HMCN1: variants seen among roughly 807,000 people sequenced by gnomAD.
HMCN1 encodes hemicentin-1.
In HMCN1, 321 loss-of-function variants were observed where a neutral mutation model predicts 625.9. The ratio of observed to expected loss-of-function variants is 0.51; its 90% CI spans 0.47 to 0.56. The LOEUF (loss-of-function observed/expected upper bound fraction) is 0.56. Among genes scored for constraint, HMCN1 ranks in the 20% least tolerant of loss-of-function variants. The pLI is 0.00. For synonymous variants in HMCN1, 2,425 were observed against 2,417.6 expected, an observed-to-expected ratio of 1.00 and a Z score of -0.09; for missense variants, 6,588 against 6,887.3, an observed-to-expected ratio of 0.96 and a Z score of 1.54.
intron 1 of HMCN1, among the ~76,000 whole-genome samples, chr1:185,838,613 T>A (rs965477321): frequency 2.6e-5 from 4 of 152,082 alleles, no homozygotes; most frequent in African/African-American, 9.7e-5. Flanking sequence ...CCAAGGTCAA[T>A]CATCCCATTG....
At chr1:186,000,394 T>G (rs1653096568) in intron 26 of HMCN1, among the ~76,000 whole-genome samples, 155 bp downstream of exon 26, 1 of 152,138 alleles carries the variant, frequency 6.6e-6, no homozygotes, top group Non-Finnish European at 1.5e-5. Flanking sequence ...ATTATTTGAT[T>G]TAAACTTTCA....
intron 30 of HMCN1, among the ~76,000 whole-genome samples, chr1:186,012,989 G>A (rs1020589337): frequency 1.3e-5 from 2 of 152,052 alleles, no homozygotes; most frequent in Non-Finnish European, 2.9e-5. Context: ...GTTCTGACAT[G>A]AGGAGTATTC....
rs1662337073 is a variant in HMCN1, at chr1:185,854,369, C to T, written c.339+8273C>T. 2.0e-5 allele frequency among the ~76,000 whole-genome samples: 3 copies of T among 152,090 alleles called. 1 individual carries two copies. The highest frequency in any genetic ancestry group is 1.3e-4 in the Admixed American group (2 of 15,254). On this transcript the variant is annotated intron_variant, in intron 2 of 106. Coordinates refer to ENST00000271588, the MANE Select transcript of HMCN1 (RefSeq NM_031935.3). The stretch of plus-strand genomic sequence containing the variant: ...TTGAATATCACTTGTCCAGTTACCC[C>T]GTCAGATGTTGGAATCCCTTCCAGC...
intron 68 of HMCN1, among the ~76,000 whole-genome samples, chr1:186,097,713 G>A (rs180852879): frequency 6.1e-4 from 92 of 151,960 alleles, no homozygotes; most frequent in African/African-American, 2.0e-3. Flanking sequence ...TCTAAAATTT[G>A]TATGGAACCA....
At chr1:186,130,454 A>G in intron 84 of HMCN1, 53 bp from the exon 85 acceptor site, 1 of 1,555,882 alleles carries the variant, frequency 6.4e-7, no homozygotes, top group Non-Finnish European at 8.9e-7. Flanking sequence ...AAGATCACAA[A>G]GAAATTATCA....
intron 1 of HMCN1, among the ~76,000 whole-genome samples, chr1:185,747,961 T>C (rs1654530373): frequency 6.6e-6 from 1 of 151,764 alleles, no homozygotes; most frequent in African/African-American, 2.4e-5. Flanking sequence ...TCTTGCCAAG[T>C]TCTGACAGGG....
At chr1:185,746,787 A>C (rs1654435958) in intron 1 of HMCN1, among the ~76,000 whole-genome samples, 1 of 151,670 alleles carries the variant, frequency 6.6e-6, no homozygotes, top group Non-Finnish European at 1.5e-5. Flanking sequence ...TTGTATTTTT[A>C]GTAGAGACAG....
intron 14 of HMCN1, among the ~76,000 whole-genome samples, chr1:185,968,183 C>A (rs903795104): frequency 6.6e-6 from 1 of 151,990 alleles, no homozygotes; most frequent in Admixed American, 6.6e-5. Flanking sequence ...AAGATGTTGC[C>A]TTTTTCATTC....
At chr1:186,043,034 G>T (rs1386105378) in intron 40 of HMCN1, among the ~76,000 whole-genome samples, 1 of 152,062 alleles carries the variant, frequency 6.6e-6, no homozygotes, top group East Asian at 1.9e-4. Context: ...CAAGAGAATT[G>T]AGTTTTTAAA....
intron 86 of HMCN1, among the ~76,000 whole-genome samples, chr1:186,135,431 T>C (rs2102529876): frequency 6.6e-6 from 1 of 152,340 alleles, no homozygotes; most frequent in South Asian, 2.1e-4. Flanking sequence ...GACTCTCTTC[T>C]GAAGCAATCT....
At chr1:185,906,359 A>G (rs957051530) in intron 4 of HMCN1, among the ~76,000 whole-genome samples, 12 of 151,876 alleles carry the variant, frequency 7.9e-5, no homozygotes, top group Non-Finnish European at 1.8e-4. Flanking sequence ...ATATTATGAT[A>G]CATGGTAATC....
chr1:186,081,669 A>G (rs2102381579), intron 56 of HMCN1, among the ~76,000 whole-genome samples: 1 of 152,278 alleles, frequency 6.6e-6, no homozygotes, highest in African/African-American at 2.4e-5. Context: ...TAAAAATTGT[A>G]TTATAAACAA....
At position 185,827,806 on chromosome 1, in the gene HMCN1, TA is replaced by T. The variant is rs1660619261; in HGVS notation, c.269-18215del. On this transcript the variant is annotated intron_variant, in intron 1 of 106. Transcript: ENST00000271588. ...GGAAATTGCCCCAGTGCCATAAACA[TA>T]AAAACATATCCAAGTAAAATTCAGA... Among the ~76,000 whole-genome samples, 3 of 151,822 alleles carry T rather than the reference TA, an allele frequency of 2.0e-5. No individual in the cohort carries two copies. The South Asian group carries it at 6.2e-4, about 32-fold the overall frequency.
chr1:185,769,129 G>A (rs1656061287), intron 1 of HMCN1, among the ~76,000 whole-genome samples: 1 of 152,082 alleles, frequency 6.6e-6, no homozygotes, highest in African/African-American at 2.4e-5. Context: ...TTGGGAATAG[G>A]GAGACTTTTT....
At chr1:185,879,169 T>C (rs1418943107) in intron 4 of HMCN1, among the ~76,000 whole-genome samples, 1 of 152,132 alleles carries the variant, frequency 6.6e-6, no homozygotes, top group African/African-American at 2.4e-5. Flanking sequence ...TCTCTGACCA[T>C]ATGGCCTTTT....
rs1444921449 is a variant in HMCN1, at chr1:186,007,117, AT to A, written c.4476-5del. 6.2e-7 allele frequency: 1 copy of A among 1,606,352 alleles called. No individual in the cohort carries two copies. The highest frequency in any genetic ancestry group is 8.5e-7 in the Non-Finnish European group (1 of 1,173,426). On this transcript the variant is annotated splice_polypyrimidine_tract_variant and intron_variant, in intron 29 of 106. Coordinates refer to ENST00000271588, the MANE Select transcript of HMCN1 (RefSeq NM_031935.3). ...AAATAGACCCATGGAATAAAGTTTT[AT>A]TTTTTCTAGGCCTTTATTTTTGGGC... is the stretch of plus-strand genomic sequence containing the variant.
At chr1:185,761,113 G>C (rs1354755297) in intron 1 of HMCN1, among the ~76,000 whole-genome samples, 1 of 152,162 alleles carries the variant, frequency 6.6e-6, no homozygotes, top group Non-Finnish European at 1.5e-5. Flanking sequence ...GTAAGACTTG[G>C]GGGAAGGGGC....
chr1:185,861,559 A>G (rs184001855), intron 2 of HMCN1, among the ~76,000 whole-genome samples: 3 of 152,338 alleles, frequency 2.0e-5, no homozygotes, highest in East Asian at 3.9e-4. Context: ...CAGAATATCC[A>G]TTACAGATTA....
chr1:185,803,204 G>GAAAAAAAAAAAAAAAA (rs1557981375), intron 1 of HMCN1, among the ~76,000 whole-genome samples: 1 of 23,716 alleles, frequency 4.2e-5, no homozygotes, highest in Non-Finnish European at 8.2e-5. Flanking sequence ...AAAAAAAAAA[G>GAAAAAAAAAAAAAAAA]CAAAAAAAAA....
Sources: allele counts gnomAD v4.1 joint callset (sites outside exome capture counted in the v4.1 genomes callset), GRCh38; gene constraint gnomAD v4.1.1; transcripts MANE v1.5; gene names NCBI Gene and HGNC (gene_info 2026-07-23, HGNC 2026-07-21).